The following MIPOL1 variants were observed in gnomAD, a reference collection of about 807,000 sequenced individuals.
MIPOL1 encodes mirror-image polydactyly gene 1 protein.
In MIPOL1, 57 loss-of-function variants were observed where a neutral mutation model predicts 60.9. The observed-to-expected ratio is 0.94, with a 90% CI of 0.76 to 1.17. The LOEUF (loss-of-function observed/expected upper bound fraction) is 1.17, where lower values mean the gene tolerates loss of function less well. MIPOL1 is among the 50% of genes most tolerant of loss of function. The probability of loss-of-function intolerance (pLI) is 0.00; values close to 1 mark genes in which losing one functional copy is unlikely to be tolerated. For synonymous variants in MIPOL1, 179 were observed against 168.8 expected (o/e 1.06, Z -0.47); for missense variants, 551 against 511.6 (o/e 1.08, Z -0.74).
intron 9 of MIPOL1, among the ~76,000 whole-genome samples, chr14:37,339,048 A>G (rs924748466): frequency 2.0e-5 from 3 of 152,264 alleles, no homozygotes; most frequent in Non-Finnish European, 4.4e-5. Flanking sequence ...TTGGCAAGGT[A>G]TAACCTGGGA....
chr14:37,295,456 C>A (rs8009824), intron 7 of MIPOL1, among the ~76,000 whole-genome samples: 11,614 of 152,060 alleles, frequency 0.076, 1,503 homozygotes, highest in African/African-American at 0.27. Flanking sequence ...ACATAACAAT[C>A]CTAACCTTAA....
chr14:37,258,528 A>C (rs930281505), intron 3 of MIPOL1, among the ~76,000 whole-genome samples: 1 of 152,128 alleles, frequency 6.6e-6, no homozygotes, highest in Non-Finnish European at 1.5e-5. Flanking sequence ...TGTTAATCAA[A>C]TTTTAGGATA....
intron 7 of MIPOL1, among the ~76,000 whole-genome samples, chr14:37,296,400 G>T (rs986275850): frequency 6.6e-6 from 1 of 152,050 alleles, no homozygotes; most frequent in East Asian, 1.9e-4. Context: ...AAGAACTAGA[G>T]AAGCAAGAGC....
At chr14:37,508,273 A>G (rs983236384) in intron 12 of MIPOL1, among the ~76,000 whole-genome samples, 5 of 152,190 alleles carry the variant, frequency 3.3e-5, no homozygotes, top group African/African-American at 1.2e-4. Flanking sequence ...AATTTCTTAA[A>G]TAACTGTCCC....
In MIPOL1 at chr14:37,548,435, A is replaced by T. The variant is rs1270474426; in HGVS notation, c.*1464A>T. The T allele has an allele frequency of 6.6e-6, 1 of 152,048 alleles. No individual in the cohort carries two copies. The highest frequency in any genetic ancestry group is 1.5e-5 in the Non-Finnish European group (1 of 67,900). The allele number at this position is 152,048 out of a possible 1,614,324, so 9.4% of individuals were successfully genotyped here. ...TTTTTAACTATGAGAATTAGAAAAT[A>T]AGGGACAACAGGGGTTAAAAATAAA... On this transcript the variant is annotated 3_prime_UTR_variant, in exon 13 of 13. Transcript: ENST00000684589.
At chr14:37,453,914 C>T (rs879745767) in intron 11 of MIPOL1, among the ~76,000 whole-genome samples, 4 of 152,144 alleles carry the variant, frequency 2.6e-5, no homozygotes, top group Non-Finnish European at 5.9e-5. Context: ...TTTTTCATCT[C>T]CCAAATTCAA....
chr14:37,261,143 A>G (rs1594784075), intron 3 of MIPOL1, among the ~76,000 whole-genome samples: 1 of 152,104 alleles, frequency 6.6e-6, no homozygotes, highest in East Asian at 1.9e-4. Context: ...AACCATCTTA[A>G]GTATTTTCTC....
intron 1 of MIPOL1, among the ~76,000 whole-genome samples, chr14:37,246,213 GA>G (rs1243611058): frequency 6.6e-6 from 1 of 152,086 alleles, no homozygotes; most frequent in African/African-American, 2.4e-5. Context: ...GCCATTAAGA[GA>G]ACAGAGGTGT....
chr14:37,434,225 C>T (rs2094125536), intron 11 of MIPOL1, among the ~76,000 whole-genome samples: 1 of 152,154 alleles, frequency 6.6e-6, no homozygotes, highest in African/African-American at 2.4e-5. Context: ...GATCACCATT[C>T]TAACTGGCGT....
intron 10 of MIPOL1, among the ~76,000 whole-genome samples, chr14:37,388,502 T>C (rs1276684173): frequency 6.6e-6 from 1 of 150,638 alleles, no homozygotes; most frequent in East Asian, 1.9e-4. Flanking sequence ...TTTTTTTTTT[T>C]ACTTTTTTCA....
chr14:37,217,468 C>T lies in MIPOL1; in HGVS notation c.-199+19364C>T, dbSNP rs535425007. Among the ~76,000 whole-genome samples the T allele has an allele frequency of 6.2e-4, 94 of 152,314 alleles. 1 individual carries two copies. The South Asian group carries it at 0.014, about 23-fold the overall frequency. ...AAAAGAAAGCCACAGTCCAATCTCTCTGATGGATATTGATGCAAACATTCT... is the reference window on the plus strand; with the variant it reads ...AAAAGAAAGCCACAGTCCAATCTCTTTGATGGATATTGATGCAAACATTCT... On this transcript the variant is annotated intron_variant, in intron 1 of 12. Transcript: ENST00000684589.
At chr14:37,491,239 A>T (rs932071780) in intron 11 of MIPOL1, among the ~76,000 whole-genome samples, 5 of 152,168 alleles carry the variant, frequency 3.3e-5, no homozygotes, top group African/African-American at 1.2e-4. Flanking sequence ...TAATAGTTGG[A>T]TATTTCTGGC....
chr14:37,465,660 T>C (rs936267370), intron 11 of MIPOL1, among the ~76,000 whole-genome samples: 3 of 152,168 alleles, frequency 2.0e-5, no homozygotes, highest in Admixed American at 2.0e-4. Context: ...CCAGAACTTA[T>C]TTCATACTTA....
At chr14:37,515,328 T>C (rs1475316053) in intron 12 of MIPOL1, among the ~76,000 whole-genome samples, 3 of 152,048 alleles carry the variant, frequency 2.0e-5, no homozygotes, top group African/African-American at 7.2e-5. Context: ...TAGACTACTT[T>C]AGCAGGTCTT....
At chr14:37,509,545 G>A (rs1027354736) in intron 12 of MIPOL1, among the ~76,000 whole-genome samples, 9 of 151,522 alleles carry the variant, frequency 5.9e-5, no homozygotes, top group African/African-American at 1.9e-4. Flanking sequence ...AACAGAGCAC[G>A]TTTCTACAGT....
intron 10 of MIPOL1, among the ~76,000 whole-genome samples, chr14:37,394,951 A>T (rs984151115): frequency 6.6e-6 from 1 of 152,154 alleles, no homozygotes; most frequent in Admixed American, 6.5e-5. Flanking sequence ...ATAAAGTGAG[A>T]GATAAGAATC....
chr14:37,292,200 CAGGT>C, intron 7 of MIPOL1, among the ~76,000 whole-genome samples: 1 of 152,132 alleles, frequency 6.6e-6, no homozygotes, highest in African/African-American at 2.4e-5. Context: ...GCTGGGATTA[CAGGT>C]GTGAAGCGAA....
chr14:37,260,133 C>T (rs932627630), intron 3 of MIPOL1, among the ~76,000 whole-genome samples: 3 of 151,088 alleles, frequency 2.0e-5, no homozygotes, highest in Non-Finnish European at 2.9e-5. Context: ...TGGCCAGATG[C>T]GTTAGCTTAC....
chr14:37,283,328 A>G (rs776672239), intron 6 of MIPOL1, among the ~76,000 whole-genome samples: 8 of 152,064 alleles, frequency 5.3e-5, no homozygotes, highest in Admixed American at 2.0e-4. Context: ...CGGCCTCCCA[A>G]AGTGCTAGGA....
Sources: gnomAD v4.1 joint callset for allele counts (sites outside exome capture counted in the v4.1 genomes callset) on GRCh38, gnomAD v4.1.1 for gene constraint, MANE v1.5 for transcripts, NCBI Gene and HGNC (gene_info 2026-07-23, HGNC 2026-07-21) for gene names.